SLC5A3: variants seen among roughly 807,000 people sequenced by gnomAD.
SLC5A3 encodes sodium/myo-inositol cotransporter.
In SLC5A3, 10 loss-of-function variants were observed where a neutral mutation model predicts 43.2. That is an observed-to-expected ratio of 0.23 (90% CI 0.14 to 0.39). SLC5A3 has a LOEUF of 0.39. SLC5A3 is among the 10% of genes least tolerant of loss of function. The pLI, the probability that SLC5A3 is intolerant of heterozygous loss-of-function variation, is 1.00. For synonymous variants in SLC5A3, 349 were observed against 322.0 expected (o/e 1.08, Z -0.90); for missense variants, 608 against 893.4 (o/e 0.68, Z 4.07).
intron 1 of SLC5A3, among the ~76,000 whole-genome samples, chr21:34,084,828 A>G (rs1989535402): frequency 6.6e-6 from 1 of 152,210 alleles, no homozygotes; most frequent in South Asian, 2.1e-4. Flanking sequence ...CTTGGCTAAC[A>G]TGACTAAAAA....
intron 1 of SLC5A3, among the ~76,000 whole-genome samples, chr21:34,090,640 G>C (rs1978637927): frequency 6.6e-6 from 1 of 152,152 alleles, no homozygotes; most frequent in Admixed American, 6.5e-5. Flanking sequence ...GTATATTCAG[G>C]TTGTAGGGAG....
chr21:34,092,816 C>G (rs1420386150), intron 1 of SLC5A3, among the ~76,000 whole-genome samples: 3 of 152,156 alleles, frequency 2.0e-5, no homozygotes, highest in African/African-American at 7.2e-5. Flanking sequence ...TTTTCTCTCC[C>G]TTCTTTGGAA....
chr21:34,073,675 G>C lies in SLC5A3; in HGVS notation c.-407G>C. 6.6e-7 allele frequency: 1 copy of C among 1,514,902 alleles called. No individual in the cohort carries two copies. Among genetic ancestry groups the C allele is most frequent in the Non-Finnish European group, 8.9e-7 (1 of 1,123,964 alleles). 93.8% of individuals were successfully genotyped at this position (1,514,902 alleles called of 1,614,324 possible). On this transcript the variant is annotated 5_prime_UTR_variant, in exon 1 of 2. Transcript: ENST00000381151. ...GCGTCCCGGGAACCGGCTGGCTTCC[G>C]AGCCGCACTCGCCGATCCTCCAGGC...
Position 34,105,319 on chromosome 21 carries a change from T to A in SLC5A3, c.*7964T>A. On this transcript the variant is annotated 3_prime_UTR_variant, in exon 2 of 2. Coordinates refer to ENST00000381151, the MANE Select transcript of SLC5A3 (RefSeq NM_006933.7). ...TTCTCAGTGCTTTCTTTTTTCTTTT[T>A]GATAAGATGGATATCAAAAATAGTT... The A allele has an allele frequency of 1.0e-6, 1 of 1,000,038 alleles. No homozygotes were observed. The highest frequency in any genetic ancestry group is 1.2e-6 in the Non-Finnish European group (1 of 829,796). The allele number at this position is 1,000,038 out of a possible 1,614,324, so 61.9% of individuals were successfully genotyped here.
rs374941839 is a variant in SLC5A3 at position 34,097,096 on chromosome 21, A to G, written c.1898A>G (p.Asn633Ser). Residue 633 changes from asparagine (N) to serine (S), a missense_variant, in exon 2 of 2, where the codon AAT becomes AGT. Asn to Ser is a conservative substitution (Grantham distance 46, BLOSUM62 1). Transcript: ENST00000381151. The part of the protein sequence containing the change: ...EAETPVDAYS[N>S]GQAALMGEKE... ...GAAACACCAGTTGACGCTTACTCCA[A>G]TGGGCAAGCAGCTCTCATGGGTGAG... The G allele has an allele frequency of 7.4e-6, 12 of 1,613,974 alleles. No individual in the cohort carries two copies. The highest frequency in any genetic ancestry group is 1.3e-5 in the African/African-American group (1 of 74,932).
intron 1 of SLC5A3, among the ~76,000 whole-genome samples, chr21:34,090,323 C>T (rs1978621161): frequency 6.6e-6 from 1 of 152,146 alleles, no homozygotes; most frequent in Non-Finnish European, 1.5e-5. Context: ...CTGCATCAAG[C>T]GTTAGTAGTC....
At chr21:34,080,996 G>A (rs925555519) in intron 1 of SLC5A3, among the ~76,000 whole-genome samples, 4 of 152,148 alleles carry the variant, frequency 2.6e-5, no homozygotes, top group Non-Finnish European at 4.4e-5. Flanking sequence ...TATCATGTGA[G>A]CTGATGAAAT....
chr21:34,091,294 A>G (rs1978675356), intron 1 of SLC5A3, among the ~76,000 whole-genome samples: 1 of 152,190 alleles, frequency 6.6e-6, no homozygotes, highest in Admixed American at 6.5e-5. Context: ...TTATGACTTG[A>G]AGCCCTGAGT....
Position 34,101,888 on chromosome 21 carries a change from A to G in SLC5A3, c.*4533A>G. Reference sequence around the variant, plus strand: ...TTTCAAAAATTAGGGAGAGAGCAGTAGTGATCATTTATGTGAGCCCCTTTG... The same window carrying G: ...TTTCAAAAATTAGGGAGAGAGCAGTGGTGATCATTTATGTGAGCCCCTTTG... On this transcript the variant is annotated 3_prime_UTR_variant, in exon 2 of 2. Transcript: ENST00000381151. 4.0e-6 allele frequency: 4 copies of G among 1,000,230 alleles called. No homozygotes were observed. The highest frequency in any genetic ancestry group is 4.8e-6 in the Non-Finnish European group (4 of 829,960). 62.0% of individuals were successfully genotyped at this position (1,000,230 alleles called of 1,614,324 possible).
rs1191337931 is a variant in SLC5A3 at position 34,102,423 on chromosome 21, T to C, written c.*5068T>C. ...TTCTTTATAAAAAGAGGGATTAGTT[T>C]TTTTGTTTTGGGGTAAGCACCTAAT... On this transcript the variant is annotated 3_prime_UTR_variant, in exon 2 of 2. Coordinates refer to ENST00000381151, the MANE Select transcript of SLC5A3 (RefSeq NM_006933.7). 6.5e-5 allele frequency: 65 copies of C among 999,994 alleles called. No individual in the cohort carries two copies. In the Admixed American group the frequency reaches 3.9e-3, roughly 61 times the overall value. 61.9% of individuals were successfully genotyped at this position (999,994 alleles called of 1,614,324 possible).
chr21:34,092,416 G>A (rs778638030), intron 1 of SLC5A3, among the ~76,000 whole-genome samples: 32 of 152,096 alleles, frequency 2.1e-4, no homozygotes, highest in African/African-American at 3.9e-4. Context: ...GGAACTGTCC[G>A]CAGTGGCTTT....
intron 1 of SLC5A3, among the ~76,000 whole-genome samples, chr21:34,086,103 T>A (rs1008670926): frequency 2.6e-5 from 4 of 152,226 alleles, no homozygotes; most frequent in African/African-American, 9.6e-5. Flanking sequence ...CTTACCCCAC[T>A]CTTTACCTTT....
rs62212081 is a variant in SLC5A3 at position 34,089,535 on chromosome 21, G to T, written c.-336-5328G>T. 6.8e-3 allele frequency among the ~76,000 whole-genome samples: 1,029 copies of T among 152,244 alleles called. 8 individuals carry two copies. The highest frequency in any genetic ancestry group is 0.02 in the Middle Eastern group (6 of 294). ...CTTATTGGTAGAATCAGGTTAAAAT[G>T]AATATATCTTGGGCGGAGTGTATAT... On this transcript the variant is annotated intron_variant, in intron 1 of 1. Coordinates refer to ENST00000381151, the MANE Select transcript of SLC5A3 (RefSeq NM_006933.7).
Position 34,103,277 on chromosome 21 carries a change from T to C in SLC5A3, c.*5922T>C, listed in dbSNP as rs1979326852. ...GTTCTTAACAGAAAATTTGTATTTGTTATTCCTCTTAAATTTTGTCGTAAC... is the reference window on the plus strand; with the variant it reads ...GTTCTTAACAGAAAATTTGTATTTGCTATTCCTCTTAAATTTTGTCGTAAC... On this transcript the variant is annotated 3_prime_UTR_variant, in exon 2 of 2. Coordinates refer to ENST00000381151, the MANE Select transcript of SLC5A3 (RefSeq NM_006933.7). 9.0e-6 allele frequency: 9 copies of C among 997,888 alleles called. No individual in the cohort carries two copies. Among genetic ancestry groups the C allele is most frequent in the Non-Finnish European group, 1.1e-5 (9 of 828,836 alleles). The allele number at this position is 997,888 out of a possible 1,614,324, so 61.8% of individuals were successfully genotyped here. A position where few individuals can be genotyped will look rare whatever the true frequency, so the allele number is the denominator to read the frequency against.
Position 34,076,352 on chromosome 21 carries a change from G to A in SLC5A3, c.-337+2607G>A, listed in dbSNP as rs980248621. Among the ~76,000 whole-genome samples, 2 of 152,274 alleles carry A rather than the reference G, an allele frequency of 1.3e-5. 1 individual carries two copies. The highest frequency in any genetic ancestry group is 4.1e-4 in the South Asian group (2 of 4,834). ...TTTTAAAATTTAAAATACAGGCCCT[G>A]TGTTGGCTGTCACAGTATCTGGATT... On this transcript the variant is annotated intron_variant, in intron 1 of 1. Coordinates refer to ENST00000381151, the MANE Select transcript of SLC5A3 (RefSeq NM_006933.7).
At position 34,098,005 on chromosome 21, in the gene SLC5A3, T is replaced by G; in HGVS notation, c.*650T>G. The stretch of plus-strand genomic sequence containing the variant: ...TTGTTCCAGTTCCTTTTTTTTTTTC[T>G]TTCTACTTTCAAGTTTAAGTGAACC... On this transcript the variant is annotated 3_prime_UTR_variant, in exon 2 of 2. Coordinates refer to ENST00000381151, the MANE Select transcript of SLC5A3 (RefSeq NM_006933.7). 10 of 997,868 alleles carry G rather than the reference T, an allele frequency of 1.0e-5. No individual in the cohort carries two copies. The highest frequency in any genetic ancestry group is 1.2e-5 in the Non-Finnish European group (10 of 828,612). 61.8% of individuals were successfully genotyped at this position (997,868 alleles called of 1,614,324 possible). A position where few individuals can be genotyped will look rare whatever the true frequency, so the allele number is the denominator to read the frequency against.
rs1979290349 is a variant in SLC5A3, at chr21:34,102,515, T to C, written c.*5160T>C. 1 of 999,990 alleles carries C rather than the reference T, an allele frequency of 1.0e-6. No homozygotes were observed. Among genetic ancestry groups the C allele is most frequent in the South Asian group, 4.7e-5 (1 of 21,294 alleles). The allele number at this position is 999,990 out of a possible 1,614,324, so 61.9% of individuals were successfully genotyped here. The stretch of plus-strand genomic sequence containing the variant: ...CTTTCACTCAGAAATAAACAAAAAC[T>C]GTTTGGTATATCTGTATCATTGCTA... On this transcript the variant is annotated 3_prime_UTR_variant, in exon 2 of 2. Coordinates refer to ENST00000381151, the MANE Select transcript of SLC5A3 (RefSeq NM_006933.7).
intron 1 of SLC5A3, among the ~76,000 whole-genome samples, chr21:34,074,008 G>C (rs923233186): frequency 1.4e-5 from 2 of 146,608 alleles, no homozygotes; most frequent in African/African-American, 4.9e-5. Context: ...GCGGCCCGCC[G>C]GGCGGGGGGC....
At position 34,099,596 on chromosome 21, in the gene SLC5A3, G is replaced by A; in HGVS notation, c.*2241G>A. 1.0e-6 allele frequency: 1 copy of A among 999,484 alleles called. No homozygotes were observed. The highest frequency in any genetic ancestry group is 4.7e-5 in the South Asian group (1 of 21,230). 61.9% of individuals were successfully genotyped at this position (999,484 alleles called of 1,614,324 possible). On this transcript the variant is annotated 3_prime_UTR_variant, in exon 2 of 2. Coordinates refer to ENST00000381151, the MANE Select transcript of SLC5A3 (RefSeq NM_006933.7). ...TATCCAGCGTAAATGAATAGGAGGTGTTTGTGATTTTTTTTTTCTCCCTTT... is the reference window on the plus strand; with the variant it reads ...TATCCAGCGTAAATGAATAGGAGGTATTTGTGATTTTTTTTTTCTCCCTTT...
Sources: gnomAD v4.1 joint callset for allele counts (sites outside exome capture counted in the v4.1 genomes callset) on GRCh38, gnomAD v4.1.1 for gene constraint, MANE v1.5 for transcripts, NCBI Gene and HGNC (gene_info 2026-07-23, HGNC 2026-07-21) for gene names.